Variants in TRIM24 observed in about 807,000 individuals in gnomAD.
The protein encoded by TRIM24 is tripartite motif containing 24.
In TRIM24, 29 loss-of-function variants were observed where a neutral mutation model predicts 123.9. The observed-to-expected ratio is 0.23, with a 90% CI of 0.17 to 0.32. The LOEUF (loss-of-function observed/expected upper bound fraction) is 0.32. Ranked by LOEUF, TRIM24 falls within the 10% of genes least tolerant of loss-of-function variation. The pLI, the probability that TRIM24 is intolerant of heterozygous loss-of-function variation, is 1.00. For synonymous variants in TRIM24, 456 were observed against 461.1 expected, an observed-to-expected ratio of 0.99 and a Z score of 0.14; for missense variants, 932 against 1,295.3, an observed-to-expected ratio of 0.72 and a Z score of 4.31.
chr7:138,520,025 A>C (rs1253420856), intron 4 of TRIM24, among the ~76,000 whole-genome samples: 1 of 152,174 alleles, frequency 6.6e-6, no homozygotes, highest in Non-Finnish European at 1.5e-5. Context: ...AACCTGCACA[A>C]AATACAGAAA....
chr7:138,562,787 T>G (rs1213877739), intron 9 of TRIM24, among the ~76,000 whole-genome samples: 1 of 152,160 alleles, frequency 6.6e-6, no homozygotes, highest in Non-Finnish European at 1.5e-5. Context: ...GGCTTTTTTG[T>G]GTATAGCCTC....
At chr7:138,462,396 A>G (rs887404431) in intron 1 of TRIM24, among the ~76,000 whole-genome samples, 5 of 142,532 alleles carry the variant, frequency 3.5e-5, no homozygotes, top group African/African-American at 1.3e-4. Flanking sequence ...GCTGGAGTGC[A>G]GTGGCGCGAT....
chr7:138,549,831 C>T (rs1033640047), intron 7 of TRIM24, among the ~76,000 whole-genome samples: 3 of 152,096 alleles, frequency 2.0e-5, no homozygotes, highest in African/African-American at 7.2e-5. Context: ...AATTACTGGG[C>T]AGGCAAGACG....
intron 6 of TRIM24, among the ~76,000 whole-genome samples, chr7:138,534,169 G>A (rs1354721116): frequency 6.6e-6 from 1 of 152,044 alleles, no homozygotes; most frequent in Non-Finnish European, 1.5e-5. Context: ...ACCAGCTCCT[G>A]GATTCATCAA....
chr7:138,526,682 A>C (rs1401706982), intron 5 of TRIM24, among the ~76,000 whole-genome samples: 1 of 152,130 alleles, frequency 6.6e-6, no homozygotes, highest in East Asian at 1.9e-4. Flanking sequence ...AAGCACTGGG[A>C]TTACAGGCGT....
chr7:138,503,755 CTTGT>C (rs1388616851), intron 1 of TRIM24, among the ~76,000 whole-genome samples: 1 of 151,676 alleles, frequency 6.6e-6, no homozygotes, highest in Non-Finnish European at 1.5e-5. Context: ...AGAGTTTTAA[CTTGT>C]TTGTTATTTT....
intron 9 of TRIM24, among the ~76,000 whole-genome samples, chr7:138,565,939 G>C (rs563654754): frequency 1.3e-5 from 2 of 152,246 alleles, no homozygotes; most frequent in South Asian, 2.1e-4. Flanking sequence ...ATTGAGTAAT[G>C]GTAAGGGGGA....
intron 9 of TRIM24, among the ~76,000 whole-genome samples, chr7:138,565,286 C>T (rs1240585202): frequency 6.6e-6 from 1 of 152,178 alleles, no homozygotes; most frequent in African/African-American, 2.4e-5. Context: ...CTTTGCAAGC[C>T]ACTCTCACGT....
intron 1 of TRIM24, among the ~76,000 whole-genome samples, chr7:138,464,417 A>G (rs1448227480): frequency 6.6e-6 from 1 of 151,974 alleles, no homozygotes; most frequent in Non-Finnish European, 1.5e-5. Flanking sequence ...CAAAGGTTAA[A>G]TAGGTAGTTG....
intron 2 of TRIM24, among the ~76,000 whole-genome samples, chr7:138,512,018 GC>G (rs964556983): frequency 2.4e-4 from 36 of 152,280 alleles, no homozygotes; most frequent in African/African-American, 8.4e-4. Flanking sequence ...GGAGAAATCG[GC>G]CAAAAGAAGG....
intron 1 of TRIM24, among the ~76,000 whole-genome samples, chr7:138,488,428 A>C (rs1258852538): frequency 6.6e-6 from 1 of 152,024 alleles, no homozygotes; most frequent in African/African-American, 2.4e-5. Flanking sequence ...TAGTTCCTTT[A>C]ATTGTAATGT....
At chr7:138,578,648 A>G (rs1424771595) in intron 14 of TRIM24, among the ~76,000 whole-genome samples, 1 of 152,196 alleles carries the variant, frequency 6.6e-6, no homozygotes, top group Non-Finnish European at 1.5e-5. Flanking sequence ...AGTAAGGATT[A>G]TAGATGTATT....
At chr7:138,581,650 C>A in intron 16 of TRIM24, 47 bp from the exon 17 acceptor site, 1 of 1,480,468 alleles carries the variant, frequency 6.8e-7, no homozygotes, top group Non-Finnish European at 9.3e-7. Context: ...GCTGTGAATT[C>A]ATTGTTTTAT....
At chr7:138,582,619 G>C (rs931696889) in intron 17 of TRIM24, among the ~76,000 whole-genome samples, 2 of 150,776 alleles carry the variant, frequency 1.3e-5, no homozygotes, top group African/African-American at 4.9e-5. Context: ...TACCCCAAAA[G>C]AGTATTCTTC....
intron 17 of TRIM24, among the ~76,000 whole-genome samples, chr7:138,582,780 T>G (rs181974601): frequency 1.2e-3 from 180 of 152,300 alleles, no homozygotes; most frequent in African/African-American, 4.2e-3. Context: ...AATACAAAGT[T>G]GAGAAGAAAA....
chr7:138,505,579 C>T (rs1796136789), intron 2 of TRIM24, among the ~76,000 whole-genome samples: 1 of 151,406 alleles, frequency 6.6e-6, no homozygotes, highest in African/African-American at 2.4e-5. Flanking sequence ...CTCTGTTGCC[C>T]AGTCTGGAGT....
chr7:138,576,387 A>C lies in TRIM24; in HGVS notation c.2029A>C (p.Thr677Pro), dbSNP rs1386063849. Reference sequence around the variant, plus strand: ...CCCCTCCTCAGGACCTGTTACTATGACTAGTGTACACCCCCCAATACGTTC... The same window carrying C: ...CCCCTCCTCAGGACCTGTTACTATGCCTAGTGTACACCCCCCAATACGTTC... Reference protein sequence around the residue: ...SPGLAGPVTMTSVHPPIRSPS... With the variant: ...SPGLAGPVTMPSVHPPIRSPS... The change falls in exon 13 of 19, where the codon ACT becomes CCT. Residue 677 changes from threonine (T) to proline (P), a missense_variant. Transcript: ENST00000343526. 1 of 1,613,576 alleles carries C rather than the reference A, an allele frequency of 6.2e-7. No individual in the cohort carries two copies. Among genetic ancestry groups the C allele is most frequent in the Non-Finnish European group, 8.5e-7 (1 of 1,179,620 alleles).
At chr7:138,567,343 T>A in intron 9 of TRIM24, 138 bp from the exon 10 acceptor site, 93 of 596,366 alleles carry the variant, frequency 1.6e-4, no homozygotes, top group Middle Eastern at 3.7e-4. Context: ...CCACCCCTCA[T>A]TCCCTTATGT....
intron 15 of TRIM24, among the ~76,000 whole-genome samples, chr7:138,580,198 G>GT (rs938166719): frequency 2.0e-5 from 3 of 152,104 alleles, no homozygotes; most frequent in African/African-American, 4.8e-5. Flanking sequence ...AAACTTAAGA[G>GT]TAACAAGAAT....
Sources: allele counts gnomAD v4.1 joint callset (sites outside exome capture counted in the v4.1 genomes callset), GRCh38; gene constraint gnomAD v4.1.1; transcripts MANE v1.5; gene names NCBI Gene and HGNC (gene_info 2026-07-23, HGNC 2026-07-21).